The following HCK variants were observed in gnomAD, a reference collection of about 807,000 sequenced individuals.
HCK encodes HCK proto-oncogene, Src family tyrosine kinase, also known as tyrosine-protein kinase HCK.
A neutral mutation model predicts 70.4 loss-of-function variants in HCK; 40 were observed. The observed-to-expected ratio is 0.57, with a 90% CI of 0.44 to 0.74. The LOEUF (loss-of-function observed/expected upper bound fraction) is 0.74, where lower values mean the gene tolerates loss of function less well. Among genes scored for constraint, HCK ranks in the 30% least tolerant of loss-of-function variants. The pLI is 0.00. For missense variants in HCK, 568 were observed against 697.2 expected (o/e 0.81, Z 2.09); for synonymous variants, 245 against 263.2 (o/e 0.93, Z 0.67).
At chr20:32,064,653 A>AAGC (rs145242092) in intron 1 of HCK, among the ~76,000 whole-genome samples, 3,086 of 152,310 alleles carry the variant, frequency 0.02, 77 homozygotes, top group African/African-American at 0.059. Context: ...GTTTCTGCTT[A>AAGC]AGCATAGAAG....
At chr20:32,062,451 T>A (rs939697480) in intron 1 of HCK, among the ~76,000 whole-genome samples, 2 of 151,968 alleles carry the variant, frequency 1.3e-5, no homozygotes, top group Non-Finnish European at 2.9e-5. Context: ...ATGCTATGAG[T>A]TTTATATGTG....
chr20:32,086,488 A>G, intron 8 of HCK, 140 bp from the exon 9 acceptor site: 1 of 691,962 alleles, frequency 1.4e-6, no homozygotes, highest in South Asian at 1.9e-5. Flanking sequence ...GCCTAAGCCC[A>G]TGATTTCGCT....
intron 1 of HCK, among the ~76,000 whole-genome samples, chr20:32,055,424 T>C (rs1199892195): frequency 6.6e-6 from 1 of 152,250 alleles, no homozygotes; most frequent in Non-Finnish European, 1.5e-5. Flanking sequence ...CATGTATCTT[T>C]ATGTAGTCTT....
chr20:32,096,499 CAAAAAAAAAAAA>C (rs55905450), intron 11 of HCK, among the ~76,000 whole-genome samples: 6 of 92,464 alleles, frequency 6.5e-5, no homozygotes, highest in African/African-American at 2.4e-4. Context: ...GACTCCGTCT[CAAAAAAAAAAAA>C]AAAAAAAAAA....
At chr20:32,071,558 TG>T in intron 1 of HCK, 103 bp from the exon 2 acceptor site, 1 of 1,461,978 alleles carries the variant, frequency 6.8e-7, no homozygotes, top group Non-Finnish European at 9.3e-7. Flanking sequence ...GGAAGGCCAG[TG>T]GGAGCCAGCC....
intron 1 of HCK, among the ~76,000 whole-genome samples, chr20:32,065,526 G>A (rs918964199): frequency 6.6e-6 from 1 of 152,096 alleles, no homozygotes; most frequent in Non-Finnish European, 1.5e-5. Context: ...TGTCCTCTCT[G>A]GTGGCTTCAC....
intron 6 of HCK, 63 bp downstream of exon 6, chr20:32,079,940 A>G: frequency 1.6e-6 from 2 of 1,213,718 alleles, no homozygotes; most frequent in Non-Finnish European, 2.4e-6. Flanking sequence ...GCTGGCCACC[A>G]CCCTTTCCTT....
intron 1 of HCK, among the ~76,000 whole-genome samples, chr20:32,061,191 C>T (rs969752668): frequency 1.3e-4 from 20 of 152,270 alleles, no homozygotes; most frequent in East Asian, 5.8e-4. Context: ...ACCATGTTGG[C>T]CAGGCTGGTC....
chr20:32,072,532 G>C (rs1307562361), intron 2 of HCK: 1 of 129,226 alleles, frequency 7.7e-6, no homozygotes, highest in Non-Finnish European at 1.6e-5. Context: ...CTGCACTCCA[G>C]CCTGGGCAAT....
intron 1 of HCK, among the ~76,000 whole-genome samples, chr20:32,068,422 AT>A (rs1311413319): frequency 1.3e-5 from 2 of 152,072 alleles, no homozygotes; most frequent in Non-Finnish European, 2.9e-5. Context: ...ATAAAATAAA[AT>A]AAAATTTCAA....
At position 32,056,517 on chromosome 20, in the gene HCK, GA is replaced by G. The variant is rs369307656; in HGVS notation, c.62+4043del. Among the ~76,000 whole-genome samples, 75 of 144,160 alleles carry G rather than the reference GA, an allele frequency of 5.2e-4. 1 individual carries two copies. The South Asian group carries it at 9.3e-3, about 18-fold the overall frequency. The allele number at this position is 144,160 out of a possible 152,430, so 94.6% of individuals were successfully genotyped here. ...GGCGACAGAGCGAGACTCCTTCTCA[GA>G]AAAAAAAAAAACAGTAGTTCTATCT... On this transcript the variant is annotated intron_variant, in intron 1 of 12. Coordinates refer to ENST00000375852, the MANE Select transcript of HCK (RefSeq NM_002110.5).
intron 11 of HCK, among the ~76,000 whole-genome samples, chr20:32,094,705 A>AAAAGAAAGAAAG (rs71185377): frequency 5.6e-4 from 42 of 74,894 alleles, no homozygotes; most frequent in African/African-American, 1.6e-3. Context: ...AAAAGAAAAG[A>AAAAGAAAGAAAG]AAAGAAAGAA....
At chr20:32,066,126 C>T (rs562066964) in intron 1 of HCK, among the ~76,000 whole-genome samples, 1 of 152,014 alleles carries the variant, frequency 6.6e-6, no homozygotes, top group South Asian at 2.1e-4. Context: ...GCAGAGAGGC[C>T]CTGGGCTACA....
At chr20:32,058,950 T>C (rs2045319521) in intron 1 of HCK, among the ~76,000 whole-genome samples, 1 of 152,222 alleles carries the variant, frequency 6.6e-6, no homozygotes, top group South Asian at 2.1e-4. Flanking sequence ...TGAAAACTAC[T>C]CCTGGGGATG....
intron 1 of HCK, among the ~76,000 whole-genome samples, chr20:32,065,604 C>T (rs1330269083): frequency 6.6e-6 from 1 of 152,196 alleles, no homozygotes; most frequent in African/African-American, 2.4e-5. Context: ...TACATCTCAA[C>T]AATCCTTATA....
At chr20:32,057,896 C>T (rs1160390064) in intron 1 of HCK, among the ~76,000 whole-genome samples, 2 of 152,170 alleles carry the variant, frequency 1.3e-5, no homozygotes, top group Non-Finnish European at 2.9e-5. Flanking sequence ...GATGCAGAAG[C>T]AGCCTGTGCT....
intron 8 of HCK, among the ~76,000 whole-genome samples, chr20:32,084,791 A>G (rs1053488887): frequency 6.6e-6 from 1 of 152,214 alleles, no homozygotes; most frequent in Non-Finnish European, 1.5e-5. Context: ...GGTGTCATGG[A>G]TGAGGAATCC....
chr20:32,058,326 G>A (rs1175695271), intron 1 of HCK, among the ~76,000 whole-genome samples: 1 of 152,070 alleles, frequency 6.6e-6, no homozygotes, highest in Non-Finnish European at 1.5e-5. Context: ...GAGGTCAGGA[G>A]TTCAAGACCA....
At position 32,094,803 on chromosome 20, in the gene HCK, A is replaced by AAG. The variant is rs1569010706; in HGVS notation, c.1246+789_1246+790dup. On this transcript the variant is annotated intron_variant, in intron 11 of 12. Transcript: ENST00000375852. ...AGAGAGAAAGAGAAAGAAAGAAAGA[A>AAG]AGAAAGAAAGAAAGAAAGAAAGAAA... Among the ~76,000 whole-genome samples the AAG allele has an allele frequency of 2.0e-3, 155 of 77,974 alleles. 2 individuals carry two copies. Among genetic ancestry groups the AAG allele is most frequent in the African/African-American group, 5.1e-3 (133 of 25,886 alleles). 51.2% of individuals were successfully genotyped at this position (77,974 alleles called of 152,430 possible). A position where few individuals can be genotyped will look rare whatever the true frequency, so the allele number is the denominator to read the frequency against.
Sources: allele counts gnomAD v4.1 joint callset (sites outside exome capture counted in the v4.1 genomes callset), GRCh38; gene constraint gnomAD v4.1.1; transcripts MANE v1.5; gene names NCBI Gene and HGNC (gene_info 2026-07-23, HGNC 2026-07-21).